The following PPM1L variants were observed in gnomAD, a reference collection of about 807,000 sequenced individuals.
PPM1L encodes the protein protein phosphatase 1L.
A neutral mutation model predicts 31.4 loss-of-function variants in PPM1L; 13 were observed. The ratio of observed to expected loss-of-function variants is 0.41; its 90% CI spans 0.27 to 0.66. The LOEUF (loss-of-function observed/expected upper bound fraction) is 0.66. Among genes scored for constraint, PPM1L ranks in the 30% least tolerant of loss-of-function variants. The pLI, the probability that PPM1L is intolerant of heterozygous loss-of-function variation, is 0.29. For missense variants in PPM1L, 326 were observed against 453.7 expected, an observed-to-expected ratio of 0.72 and a Z score of 2.56; for synonymous variants, 184 against 175.4, an observed-to-expected ratio of 1.05 and a Z score of -0.39.
At chr3:160,985,391 A>G (rs1255286569) in intron 2 of PPM1L, among the ~76,000 whole-genome samples, 1 of 152,228 alleles carries the variant, frequency 6.6e-6, no homozygotes, top group African/African-American at 2.4e-5. Flanking sequence ...TAGTTCCCTT[A>G]CTAAAGTAGA....
chr3:160,991,018 A>G (rs2376476), intron 2 of PPM1L, among the ~76,000 whole-genome samples: 53,272 of 151,386 alleles, frequency 0.35, 9,644 homozygotes, highest in East Asian at 0.61. Context: ...CCACATTGGA[A>G]GAAGAAGAAT....
At chr3:160,759,320 C>T (rs1028449557) in intron 1 of PPM1L, among the ~76,000 whole-genome samples, 2 of 152,168 alleles carry the variant, frequency 1.3e-5, no homozygotes, top group East Asian at 3.9e-4. Flanking sequence ...AAAACTAGGG[C>T]CCGTCTGTAA....
intron 1 of PPM1L, among the ~76,000 whole-genome samples, chr3:160,835,086 T>TTCTTCTTCTTC (rs11474788): frequency 9.4e-6 from 1 of 106,220 alleles, no homozygotes; most frequent in African/African-American, 3.8e-5. Flanking sequence ...CTTCTTCTTC[T>TTCTTCTTCTTC]TTCTTTTTTC....
intron 3 of PPM1L, among the ~76,000 whole-genome samples, chr3:161,068,065 T>C (rs1719791148): frequency 6.6e-6 from 1 of 152,212 alleles, no homozygotes; most frequent in African/African-American, 2.4e-5. Flanking sequence ...TTAGTAAATA[T>C]CTGACAAATA....
At chr3:160,864,131 A>C (rs1053061719) in intron 1 of PPM1L, among the ~76,000 whole-genome samples, 1 of 152,114 alleles carries the variant, frequency 6.6e-6, no homozygotes, top group Admixed American at 6.6e-5. Context: ...ATCTTGTCCC[A>C]AAAAGGTCTT....
intron 2 of PPM1L, among the ~76,000 whole-genome samples, chr3:160,975,136 T>G (rs1039861574): frequency 1.2e-4 from 18 of 152,202 alleles, no homozygotes; most frequent in Non-Finnish European, 2.2e-4. Context: ...GGGAATCCTT[T>G]CCCCATTGCT....
At chr3:160,875,371 A>G (rs1235758089) in intron 1 of PPM1L, among the ~76,000 whole-genome samples, 2 of 152,240 alleles carry the variant, frequency 1.3e-5, no homozygotes, top group Non-Finnish European at 1.5e-5. Flanking sequence ...TGTTTAAAAT[A>G]CTAGTTTTCT....
At chr3:161,020,009 C>G (rs1718195561) in intron 2 of PPM1L, among the ~76,000 whole-genome samples, 1 of 151,806 alleles carries the variant, frequency 6.6e-6, no homozygotes, top group Non-Finnish European at 1.5e-5. Context: ...GCCTGTAATC[C>G]TAGCTACTCA....
chr3:160,941,481 T>TTTCTCATGGTA (rs1257167047), intron 1 of PPM1L, among the ~76,000 whole-genome samples: 1 of 152,170 alleles, frequency 6.6e-6, no homozygotes. Flanking sequence ...GGGGCCAGTG[T>TTTCTCATGGTA]TTCTCATGGT....
At chr3:160,865,592 T>C (rs527591147) in intron 1 of PPM1L, among the ~76,000 whole-genome samples, 3 of 152,264 alleles carry the variant, frequency 2.0e-5, no homozygotes, top group East Asian at 3.9e-4. Context: ...CTGGCCAACA[T>C]GGTGAAACCC....
intron 1 of PPM1L, among the ~76,000 whole-genome samples, chr3:160,863,220 G>T (rs1266431521): frequency 3.9e-5 from 6 of 152,170 alleles, no homozygotes; most frequent in Non-Finnish European, 8.8e-5. Flanking sequence ...AACTGAAGAT[G>T]ATAGAATTTT....
At chr3:160,947,333 A>G (rs576826165) in intron 1 of PPM1L, among the ~76,000 whole-genome samples, 7 of 152,240 alleles carry the variant, frequency 4.6e-5, no homozygotes, top group African/African-American at 1.7e-4. Context: ...TTCTCCTGTA[A>G]AATACAACTT....
chr3:160,851,689 G>A (rs939017967), intron 1 of PPM1L, among the ~76,000 whole-genome samples: 1 of 152,154 alleles, frequency 6.6e-6, no homozygotes, highest in African/African-American at 2.4e-5. Context: ...TATGCCTTGA[G>A]TAAAGCACTT....
At chr3:161,007,659 T>G (rs1367276039) in intron 2 of PPM1L, among the ~76,000 whole-genome samples, 1 of 152,180 alleles carries the variant, frequency 6.6e-6, no homozygotes, top group African/African-American at 2.4e-5. Context: ...TTTATTTTTA[T>G]TTTTTTAGCT....
intron 1 of PPM1L, among the ~76,000 whole-genome samples, chr3:160,762,310 T>C (rs561080938): frequency 1.3e-5 from 2 of 152,342 alleles, no homozygotes; most frequent in Admixed American, 1.3e-4. Context: ...CAAAAAATTT[T>C]TTTTTCAATG....
chr3:160,790,886 A>T (rs1051079012), intron 1 of PPM1L, among the ~76,000 whole-genome samples: 1 of 152,150 alleles, frequency 6.6e-6, no homozygotes, highest in Non-Finnish European at 1.5e-5. Flanking sequence ...TGACGTGGGA[A>T]GGAAATTGTT....
intron 1 of PPM1L, among the ~76,000 whole-genome samples, chr3:160,908,970 C>T (rs895751528): frequency 8.6e-5 from 13 of 152,042 alleles, no homozygotes; most frequent in South Asian, 2.1e-4. Context: ...TATTCAAGAC[C>T]GAACCTTGGT....
intron 2 of PPM1L, among the ~76,000 whole-genome samples, chr3:161,045,885 G>A (rs532442732): frequency 2.0e-5 from 3 of 152,152 alleles, no homozygotes; most frequent in Non-Finnish European, 2.9e-5. Context: ...GCTGAGGTGG[G>A]TGGATCACGA....
At chr3:160,865,113 A>G (rs1560131213) in intron 1 of PPM1L, among the ~76,000 whole-genome samples, 1 of 152,206 alleles carries the variant, frequency 6.6e-6, no homozygotes, top group African/African-American at 2.4e-5. Context: ...GATGCCAAAT[A>G]TCAGAAAACA....
Sources: gnomAD v4.1 joint callset for allele counts (sites outside exome capture counted in the v4.1 genomes callset) on GRCh38, gnomAD v4.1.1 for gene constraint, MANE v1.5 for transcripts, NCBI Gene and HGNC (gene_info 2026-07-23, HGNC 2026-07-21) for gene names.